The following ST8SIA1 variants were observed in gnomAD, a reference collection of about 807,000 sequenced individuals.
ST8SIA1 encodes ST8 alpha-N-acetyl-neuraminide alpha-2,8-sialyltransferase 1.
Under a neutral mutation model 35.9 loss-of-function variants are expected in ST8SIA1, and 16 were observed. The observed-to-expected ratio is 0.45, with a 90% CI of 0.30 to 0.68. ST8SIA1 has a LOEUF of 0.68. ST8SIA1 is among the 30% of genes least tolerant of loss of function. ST8SIA1 has a pLI of 0.09. For missense variants in ST8SIA1, 383 were observed against 453.6 expected (o/e 0.84, Z 1.41); for synonymous variants, 170 against 169.6 (o/e 1.00, Z -0.02).
rs181509812 is a variant in ST8SIA1, at chr12:22,276,599, C to G, written c.381+10550G>C. Among the ~76,000 whole-genome samples, 27 of 152,154 alleles carry G rather than the reference C, an allele frequency of 1.8e-4. No individual in the cohort carries two copies. The East Asian group carries it at 4.3e-3, about 24-fold the overall frequency. On this transcript the variant is annotated intron_variant, in intron 2 of 4. Coordinates refer to ENST00000396037, the MANE Select transcript of ST8SIA1 (RefSeq NM_003034.4). ...ATTTTTAACTGTTTGCCACTGCCAC[C>G]CCCACCCCTGCCCGACTCTGGAGTA... is the stretch of plus-strand genomic sequence containing the variant.
At chr12:22,289,363 T>A (rs116064992) in intron 1 of ST8SIA1, among the ~76,000 whole-genome samples, 48 of 152,226 alleles carry the variant, frequency 3.2e-4, no homozygotes, top group African/African-American at 1.1e-3. Context: ...TTCCAGGACT[T>A]GCTCAGGCCA....
chr12:22,312,208 C>T (rs916153360), intron 1 of ST8SIA1, among the ~76,000 whole-genome samples: 1 of 152,132 alleles, frequency 6.6e-6, no homozygotes, highest in Non-Finnish European at 1.5e-5. Context: ...TCCTGGATCA[C>T]CTTTGGCCAG....
chr12:22,325,582 G>C (rs980748113), intron 1 of ST8SIA1: 2 of 668,158 alleles, frequency 3.0e-6, no homozygotes, highest in Non-Finnish European at 5.4e-6. Context: ...CTGATTTAAG[G>C]AATGAAACTA....
chr12:22,254,433 T>C (rs889480937), intron 3 of ST8SIA1, among the ~76,000 whole-genome samples: 1 of 152,112 alleles, frequency 6.6e-6, no homozygotes, highest in Non-Finnish European at 1.5e-5. Flanking sequence ...CTCAGAGCGC[T>C]CTTCCTGCCC....
intron 4 of ST8SIA1, 138 bp downstream of exon 4, chr12:22,248,868 T>C (rs1345898078): frequency 3.4e-6 from 2 of 591,900 alleles, no homozygotes. Context: ...TATTTACAAT[T>C]CCCTTCATCC....
In ST8SIA1 at chr12:22,200,266, G is replaced by A. The variant is rs908335090; in HGVS notation, c.*1286C>T. 6.6e-6 allele frequency: 1 copy of A among 152,122 alleles called. No individual in the cohort carries two copies. The highest frequency in any genetic ancestry group is 6.5e-5 in the Admixed American group (1 of 15,272). 9.4% of individuals were successfully genotyped at this position (152,122 alleles called of 1,614,324 possible). On this transcript the variant is annotated 3_prime_UTR_variant, in exon 5 of 5. Coordinates refer to ENST00000396037, the MANE Select transcript of ST8SIA1 (RefSeq NM_003034.4). Reference sequence around the variant, plus strand: ...TTATGTGCGGCAACCAGTGAGCTCGGTTGTCTTATATCAACATGTAATGGA... The same window carrying A: ...TTATGTGCGGCAACCAGTGAGCTCGATTGTCTTATATCAACATGTAATGGA...
intron 2 of ST8SIA1, among the ~76,000 whole-genome samples, chr12:22,278,982 T>C (rs955185260): frequency 1.3e-5 from 2 of 152,202 alleles, no homozygotes; most frequent in Non-Finnish European, 1.5e-5. Flanking sequence ...CCTAACAATT[T>C]TCCCAAATCC....
intron 2 of ST8SIA1, among the ~76,000 whole-genome samples, chr12:22,281,404 A>G (rs1866032226): frequency 6.6e-6 from 1 of 152,230 alleles, no homozygotes; most frequent in African/African-American, 2.4e-5. Context: ...TACCCTAAAC[A>G]GTACTCTAGT....
At chr12:22,238,137 A>C (rs1865495350) in intron 4 of ST8SIA1, among the ~76,000 whole-genome samples, 1 of 147,074 alleles carries the variant, frequency 6.8e-6, no homozygotes, top group African/African-American at 2.5e-5. Context: ...CCTACCATGC[A>C]TACTCTAATA....
intron 2 of ST8SIA1, among the ~76,000 whole-genome samples, chr12:22,264,675 TA>T (rs1334547096): frequency 1.3e-5 from 2 of 152,146 alleles, no homozygotes; most frequent in African/African-American, 4.8e-5. Flanking sequence ...TTAAACCCTT[TA>T]AAAAACGTTA....
At chr12:22,270,345 A>G (rs1865898055) in intron 2 of ST8SIA1, among the ~76,000 whole-genome samples, 2 of 152,346 alleles carry the variant, frequency 1.3e-5, no homozygotes, top group East Asian at 3.9e-4. Flanking sequence ...AGTCTTCAAC[A>G]AACTATAGTT....
intron 4 of ST8SIA1, among the ~76,000 whole-genome samples, chr12:22,230,271 T>G (rs1865403784): frequency 1.3e-5 from 2 of 152,192 alleles, no homozygotes; most frequent in South Asian, 4.1e-4. Flanking sequence ...CAGAATTTGT[T>G]GCCATGACAT....
At chr12:22,294,286 C>G in intron 1 of ST8SIA1, among the ~76,000 whole-genome samples, 1 of 148,286 alleles carries the variant, frequency 6.7e-6, no homozygotes, top group East Asian at 2.2e-4. Flanking sequence ...GGGGCAAAGA[C>G]AATACCTTTG....
intron 2 of ST8SIA1, among the ~76,000 whole-genome samples, chr12:22,278,878 G>A (rs1371577327): frequency 1.3e-5 from 2 of 152,136 alleles, no homozygotes; most frequent in African/African-American, 4.8e-5. Flanking sequence ...ACAATCAGCA[G>A]ATGTTGACCC....
intron 4 of ST8SIA1, among the ~76,000 whole-genome samples, chr12:22,241,665 C>T (rs943767026): frequency 3.5e-5 from 5 of 142,302 alleles, no homozygotes; most frequent in Admixed American, 7.4e-5. Context: ...TGCAGTGGCG[C>T]GATCTCTGCT....
intron 1 of ST8SIA1, among the ~76,000 whole-genome samples, chr12:22,316,899 A>G (rs964124468): frequency 2.0e-5 from 3 of 152,154 alleles, no homozygotes; most frequent in African/African-American, 7.2e-5. Context: ...TTTAAAGTTG[A>G]TAACATTCAG....
At chr12:22,216,878 G>A (rs1865239762) in intron 4 of ST8SIA1, among the ~76,000 whole-genome samples, 1 of 151,952 alleles carries the variant, frequency 6.6e-6, no homozygotes, top group African/African-American at 2.4e-5. Flanking sequence ...CTTTTTTAAG[G>A]AATACCAAGA....
At chr12:22,316,039 G>T (rs1252033394) in intron 1 of ST8SIA1, among the ~76,000 whole-genome samples, 2 of 151,956 alleles carry the variant, frequency 1.3e-5, no homozygotes, top group African/African-American at 2.4e-5. Flanking sequence ...TAAATACTCT[G>T]TTTAGGAAAA....
chr12:22,319,963 G>A (rs1866565600), intron 1 of ST8SIA1, among the ~76,000 whole-genome samples: 1 of 152,172 alleles, frequency 6.6e-6, no homozygotes, highest in South Asian at 2.1e-4. Context: ...CCCATAAAAA[G>A]GAGGTGAGGG....
Sources: gnomAD v4.1 joint callset for allele counts (sites outside exome capture counted in the v4.1 genomes callset) on GRCh38, gnomAD v4.1.1 for gene constraint, MANE v1.5 for transcripts, NCBI Gene and HGNC (gene_info 2026-07-23, HGNC 2026-07-21) for gene names.